The following GPC5 variants were observed in gnomAD, a reference collection of about 807,000 sequenced individuals.
GPC5 encodes glypican-5.
GPC5 carries 47 observed loss-of-function variants against 53.9 expected under a neutral mutation model. The ratio of observed to expected loss-of-function variants is 0.87; its 90% CI spans 0.69 to 1.11. The LOEUF is 1.11. GPC5 is among the 50% of genes most tolerant of loss of function. The pLI is 0.00. For missense variants in GPC5, 748 were observed against 713.1 expected (o/e 1.05, Z -0.56); for synonymous variants, 286 against 263.3 (o/e 1.09, Z -0.84).
intron 7 of GPC5, among the ~76,000 whole-genome samples, chr13:92,724,786 G>A (rs1439259519): frequency 6.6e-6 from 1 of 151,186 alleles, no homozygotes; most frequent in African/African-American, 2.4e-5. Context: ...ATAGAGAAGT[G>A]CTGTACAAGA....
chr13:92,510,667 C>A (rs1168849855), intron 7 of GPC5, among the ~76,000 whole-genome samples: 1 of 152,142 alleles, frequency 6.6e-6, no homozygotes, highest in Non-Finnish European at 1.5e-5. Flanking sequence ...TATTATGAAC[C>A]CACCTCTGGG....
chr13:92,304,722 T>G (rs1299454881), intron 7 of GPC5, among the ~76,000 whole-genome samples: 1 of 152,346 alleles, frequency 6.6e-6, no homozygotes, highest in South Asian at 2.1e-4. Context: ...ATTAACAATA[T>G]TCATTTGAAA....
chr13:92,854,678 C>T (rs200200069), intron 7 of GPC5, among the ~76,000 whole-genome samples: 2 of 151,950 alleles, frequency 1.3e-5, no homozygotes, highest in East Asian at 3.8e-4. Context: ...GAAGAATGTA[C>T]CTTCACCGTA....
At chr13:92,352,162 C>T (rs1197767645) in intron 7 of GPC5, among the ~76,000 whole-genome samples, 1 of 151,994 alleles carries the variant, frequency 6.6e-6, no homozygotes, top group Non-Finnish European at 1.5e-5. Flanking sequence ...ACAAAATTGG[C>T]ATGCCATATC....
intron 7 of GPC5, among the ~76,000 whole-genome samples, chr13:92,757,722 C>A (rs1235938200): frequency 6.6e-6 from 1 of 152,148 alleles, no homozygotes; most frequent in Non-Finnish European, 1.5e-5. Context: ...CCAAAAGACA[C>A]ATGAAAAAAT....
At chr13:91,892,663 G>A (rs1424429734) in intron 5 of GPC5, among the ~76,000 whole-genome samples, 2 of 151,624 alleles carry the variant, frequency 1.3e-5, no homozygotes, top group East Asian at 3.9e-4. Context: ...TCCAAAGAAT[G>A]TAACTTGTTA....
At position 91,673,248 on chromosome 13, in the gene GPC5, A is replaced by G. The variant is rs2035293041; in HGVS notation, c.326-19939A>G. 3.9e-5 allele frequency among the ~76,000 whole-genome samples: 6 copies of G among 151,948 alleles called. No homozygotes were observed. In the South Asian group the frequency reaches 1.2e-3, roughly 31 times the overall value. ...AAAAAAAGAAACAACAACAACAACA[A>G]AACCATCACACTAAGCAAAAAGAGA... On this transcript the variant is annotated intron_variant, in intron 2 of 7. Transcript: ENST00000377067.
At position 91,739,077 on chromosome 13, in the gene GPC5, G is replaced by A. The variant is rs556162072; in HGVS notation, c.1154+10412G>A. 9.2e-5 allele frequency among the ~76,000 whole-genome samples: 14 copies of A among 151,458 alleles called. 1 individual carries two copies. In the East Asian group the frequency reaches 2.7e-3, roughly 29 times the overall value. On this transcript the variant is annotated intron_variant, in intron 4 of 7. Transcript: ENST00000377067. The stretch of plus-strand genomic sequence containing the variant: ...TCATTTTTGAAGAATATTTTCACAA[G>A]GTCTTGAATTGTACATTGTTGCCAA...
At chr13:91,651,943 C>CTAGAAAGA (rs1395643494) in intron 2 of GPC5, among the ~76,000 whole-genome samples, 3 of 152,166 alleles carry the variant, frequency 2.0e-5, no homozygotes, top group African/African-American at 7.2e-5. Context: ...GTTAAGGGAA[C>CTAGAAAGA]TAGAAAGATA....
intron 5 of GPC5, among the ~76,000 whole-genome samples, chr13:91,856,178 G>A (rs2038964841): frequency 6.6e-6 from 1 of 151,346 alleles, no homozygotes; most frequent in South Asian, 2.1e-4. Context: ...TCATTGCTAA[G>A]TAGTATTCCA....
At chr13:92,563,794 C>T (rs1220361502) in intron 7 of GPC5, among the ~76,000 whole-genome samples, 1 of 151,988 alleles carries the variant, frequency 6.6e-6, no homozygotes, top group Non-Finnish European at 1.5e-5. Flanking sequence ...TCTCTGACAT[C>T]ACCATTTCAT....
intron 7 of GPC5, among the ~76,000 whole-genome samples, chr13:92,354,557 C>T (rs2043506861): frequency 6.6e-6 from 1 of 152,160 alleles, no homozygotes; most frequent in East Asian, 1.9e-4. Context: ...GTATTCTAGT[C>T]ATTGATGCTG....
intron 7 of GPC5, among the ~76,000 whole-genome samples, chr13:92,494,943 T>A (rs527893151): frequency 2.6e-5 from 4 of 152,274 alleles, no homozygotes; most frequent in Admixed American, 6.5e-5. Context: ...TTTTTAAAAA[T>A]TTTTTTGTGA....
At chr13:91,978,909 T>A (rs955601499) in intron 6 of GPC5, among the ~76,000 whole-genome samples, 9 of 152,104 alleles carry the variant, frequency 5.9e-5, no homozygotes, top group African/African-American at 2.2e-4. Context: ...AGATTTATGA[T>A]CCATTTTGAG....
chr13:91,721,337 G>A (rs1247777320), intron 3 of GPC5, among the ~76,000 whole-genome samples: 1 of 152,070 alleles, frequency 6.6e-6, no homozygotes, highest in African/African-American at 2.4e-5. Context: ...GTTTCACCGT[G>A]TTGGCCAGGC....
Position 92,088,578 on chromosome 13 carries a change from G to A in GPC5, c.1402-56252G>A, listed in dbSNP as rs1231974427. ...TCACCTCAATCAGTCATTGGCTATGGGCCACACCTGGGATGGACATGACTT... is the reference window on the plus strand; with the variant it reads ...TCACCTCAATCAGTCATTGGCTATGAGCCACACCTGGGATGGACATGACTT... On this transcript the variant is annotated intron_variant, in intron 6 of 7. Transcript: ENST00000377067. Among the ~76,000 whole-genome samples the A allele has an allele frequency of 3.9e-5, 6 of 152,166 alleles. No individual in the cohort carries two copies. In the East Asian group the frequency reaches 1.2e-3, roughly 29 times the overall value.
In GPC5 at chr13:92,697,417, C is replaced by T. The variant is rs575062236; in HGVS notation, c.1562-168865C>T. Reference sequence around the variant, plus strand: ...TCTCCTTGAAGAGGTACTTCACAACCCTTGTAAATTGTATTCCTAGGTATT... The same window carrying T: ...TCTCCTTGAAGAGGTACTTCACAACTCTTGTAAATTGTATTCCTAGGTATT... On this transcript the variant is annotated intron_variant, in intron 7 of 7. Transcript: ENST00000377067. Among the ~76,000 whole-genome samples the T allele has an allele frequency of 1.8e-4, 28 of 152,140 alleles. No homozygotes were observed. The East Asian group carries it at 5.4e-3, about 29-fold the overall frequency.
intron 7 of GPC5, among the ~76,000 whole-genome samples, chr13:92,845,203 C>T (rs1878571486): frequency 1.3e-5 from 2 of 151,974 alleles, no homozygotes; most frequent in African/African-American, 4.8e-5. Flanking sequence ...AACTGAGGCA[C>T]GATCCCTTTG....
At chr13:91,734,382 G>C (rs546810953) in intron 4 of GPC5, among the ~76,000 whole-genome samples, 4 of 151,392 alleles carry the variant, frequency 2.6e-5, no homozygotes, top group African/African-American at 9.8e-5. Flanking sequence ...GTGTTCAGGA[G>C]TGTGAAATAA....
Sources: allele counts gnomAD v4.1 joint callset (sites outside exome capture counted in the v4.1 genomes callset), GRCh38; gene constraint gnomAD v4.1.1; transcripts MANE v1.5; gene names NCBI Gene and HGNC (gene_info 2026-07-23, HGNC 2026-07-21).